SLC1A2: variants seen among roughly 807,000 people sequenced by gnomAD.
SLC1A2 encodes solute carrier family 1 member 2.
A neutral mutation model predicts 48.8 loss-of-function variants in SLC1A2; 15 were observed. That is an observed-to-expected ratio of 0.31 (90% confidence interval 0.21 to 0.47). SLC1A2 has a LOEUF of 0.47. Ranked by LOEUF, SLC1A2 falls within the 20% of genes least tolerant of loss-of-function variation. The pLI is 0.99. For missense variants in SLC1A2, 502 were observed against 730.5 expected, an observed-to-expected ratio of 0.69 and a Z score of 3.61; for synonymous variants, 279 against 272.6, an observed-to-expected ratio of 1.02 and a Z score of -0.23.
At chr11:35,358,226 T>C (rs1000395295) in intron 1 of SLC1A2, among the ~76,000 whole-genome samples, 4 of 152,186 alleles carry the variant, frequency 2.6e-5, no homozygotes, top group Non-Finnish European at 5.9e-5. Context: ...ATGTATGTTA[T>C]GACTAGAAGG....
chr11:35,414,340 C>T (rs1042180438), intron 1 of SLC1A2, among the ~76,000 whole-genome samples: 1 of 152,136 alleles, frequency 6.6e-6, no homozygotes, highest in Non-Finnish European at 1.5e-5. Context: ...ATTGTCTTTT[C>T]TGACATCATT....
At chr11:35,271,499 G>C (rs534762543) in intron 9 of SLC1A2, among the ~76,000 whole-genome samples, 1 of 152,314 alleles carries the variant, frequency 6.6e-6, no homozygotes, top group East Asian at 1.9e-4. Flanking sequence ...AGAAGAGTTT[G>C]TCATTTTGTA....
At chr11:35,365,299 T>C (rs961472601) in intron 1 of SLC1A2, among the ~76,000 whole-genome samples, 15 of 152,198 alleles carry the variant, frequency 9.9e-5, no homozygotes, top group African/African-American at 3.6e-4. Flanking sequence ...CCCTTGACAT[T>C]GCTCCTTACA....
At chr11:35,382,605 G>A (rs1424995581) in intron 1 of SLC1A2, among the ~76,000 whole-genome samples, 1 of 152,226 alleles carries the variant, frequency 6.6e-6, no homozygotes, top group African/African-American at 2.4e-5. Flanking sequence ...AGCCCAGCCT[G>A]GCCAACATGG....
At chr11:35,322,824 C>T in intron 1 of SLC1A2, 1 of 694,700 alleles carries the variant, frequency 1.4e-6, no homozygotes, top group Admixed American at 2.0e-5. Flanking sequence ...TTGATTGTCC[C>T]ACATCCAGGG....
At chr11:35,296,313 C>T (rs4755395) in intron 6 of SLC1A2, among the ~76,000 whole-genome samples, 1 of 151,956 alleles carries the variant, frequency 6.6e-6, no homozygotes, top group Non-Finnish European at 1.5e-5. Context: ...TGTCAATAGA[C>T]CTAAACACAC....
chr11:35,393,099 T>G (rs1570226), intron 1 of SLC1A2, among the ~76,000 whole-genome samples: 41,834 of 152,060 alleles, frequency 0.28, 7,040 homozygotes, highest in Non-Finnish European at 0.36. Flanking sequence ...TATCTGGTCC[T>G]AGATTCAAAC....
At chr11:35,319,609 A>G (rs946133770) in intron 1 of SLC1A2, among the ~76,000 whole-genome samples, 16 of 152,362 alleles carry the variant, frequency 1.1e-4, no homozygotes, top group South Asian at 2.1e-4. Flanking sequence ...ATGTAATGGA[A>G]GCGTCAGGCA....
chr11:35,338,096 T>C (rs1852699062), intron 1 of SLC1A2, among the ~76,000 whole-genome samples: 1 of 152,198 alleles, frequency 6.6e-6, no homozygotes, highest in Non-Finnish European at 1.5e-5. Context: ...GTTGGCAAAC[T>C]ACAGCCATGG....
chr11:35,323,422 T>C (rs1852141370), intron 1 of SLC1A2: 1 of 152,376 alleles, frequency 6.6e-6, no homozygotes, highest in Non-Finnish European at 1.5e-5. Context: ...CACGTTCTAA[T>C]GTAAGATATC....
intron 1 of SLC1A2, among the ~76,000 whole-genome samples, chr11:35,398,696 T>A (rs1855048033): frequency 6.6e-6 from 1 of 152,188 alleles, no homozygotes; most frequent in Admixed American, 6.5e-5. Flanking sequence ...ATATATGGCC[T>A]GAGTTTGATC....
rs555472407 is a variant in SLC1A2, at chr11:35,312,918, C to T, written c.311-470G>A. Among the ~76,000 whole-genome samples, 7 of 152,126 alleles carry T rather than the reference C, an allele frequency of 4.6e-5. No homozygotes were observed. The South Asian group carries it at 1.0e-3, about 23-fold the overall frequency. ...ATCCCATAGTTTATCATTCTATTAT[C>T]CAGGGAGATTTTCAAGATTTTACAG... On this transcript the variant is annotated intron_variant, in intron 3 of 10. Transcript: ENST00000278379.
Position 35,253,121 on chromosome 11 carries a change from C to T in SLC1A2, c.*7773G>A, listed in dbSNP as rs966190723. The T allele has an allele frequency of 2.6e-5, 4 of 152,084 alleles. No individual in the cohort carries two copies. The highest frequency in any genetic ancestry group is 4.8e-5 in the African/African-American group (2 of 41,416). The allele number at this position is 152,084 out of a possible 1,614,324, so 9.4% of individuals were successfully genotyped here. A position where few individuals can be genotyped will look rare whatever the true frequency, so the allele number is the denominator to read the frequency against. ...CTGCAGTGGCTATCGTTTTACCTTT[C>T]GGGGAAGTTATATAGTCTGTTATTC... On this transcript the variant is annotated 3_prime_UTR_variant, in exon 11 of 11. Transcript: ENST00000278379.
chr11:35,341,663 T>C (rs1852847037), intron 1 of SLC1A2, among the ~76,000 whole-genome samples: 1 of 152,190 alleles, frequency 6.6e-6, no homozygotes, highest in Non-Finnish European at 1.5e-5. Flanking sequence ...CAGGTAAATT[T>C]AACATGGGAG....
At chr11:35,303,470 C>A (rs1851412492) in intron 5 of SLC1A2, among the ~76,000 whole-genome samples, 1 of 152,172 alleles carries the variant, frequency 6.6e-6, no homozygotes, top group African/African-American at 2.4e-5. Context: ...ACTAGTTCCG[C>A]AGTAATGTAC....
At chr11:35,276,380 C>T (rs1850439131) in intron 9 of SLC1A2, among the ~76,000 whole-genome samples, 1 of 152,228 alleles carries the variant, frequency 6.6e-6, no homozygotes, top group African/African-American at 2.4e-5. Flanking sequence ...TTCTTCCCAG[C>T]TCCAGCCTAG....
At chr11:35,326,580 C>A (rs1852259768) in intron 1 of SLC1A2, among the ~76,000 whole-genome samples, 1 of 152,232 alleles carries the variant, frequency 6.6e-6, no homozygotes, top group Non-Finnish European at 1.5e-5. Context: ...TTCTTCAGTG[C>A]AGTCTGTCTC....
intron 8 of SLC1A2, among the ~76,000 whole-genome samples, chr11:35,282,296 T>A (rs567559830): frequency 6.6e-6 from 1 of 152,250 alleles, no homozygotes; most frequent in East Asian, 1.9e-4. Context: ...TGCTCAGCCG[T>A]GAAAGTTCTG....
At chr11:35,400,330 A>G (rs568183316) in intron 1 of SLC1A2, among the ~76,000 whole-genome samples, 1 of 152,262 alleles carries the variant, frequency 6.6e-6, no homozygotes, top group Admixed American at 6.5e-5. Context: ...CAGCCGTTAA[A>G]CAAGTTTATA....
Sources: allele counts gnomAD v4.1 joint callset (sites outside exome capture counted in the v4.1 genomes callset), GRCh38; gene constraint gnomAD v4.1.1; transcripts MANE v1.5; gene names NCBI Gene and HGNC (gene_info 2026-07-23, HGNC 2026-07-21).